Variants in TAF4B observed in about 807,000 individuals in gnomAD.
TAF4B encodes the protein transcription initiation factor TFIID subunit 4B.
A neutral mutation model predicts 86.4 loss-of-function variants in TAF4B; 38 were observed. The ratio of observed to expected loss-of-function variants is 0.44; its 90% CI spans 0.34 to 0.58. The LOEUF is 0.58. TAF4B is among the 20% of genes least tolerant of loss of function. TAF4B has a pLI of 0.02. For synonymous variants in TAF4B, 388 were observed against 391.2 expected (o/e 0.99, Z 0.10); for missense variants, 988 against 1,027.6 (o/e 0.96, Z 0.53).
At chr18:26,230,531 C>A (rs1422240615) in intron 1 of TAF4B, among the ~76,000 whole-genome samples, 1 of 152,162 alleles carries the variant, frequency 6.6e-6, no homozygotes, top group African/African-American at 2.4e-5. Flanking sequence ...GATTTTCAGA[C>A]TGTAGAGTTG....
intron 11 of TAF4B, among the ~76,000 whole-genome samples, chr18:26,325,045 A>G (rs1278636964): frequency 6.6e-6 from 1 of 152,206 alleles, no homozygotes; most frequent in Non-Finnish European, 1.5e-5. Context: ...ACTCTTGAAC[A>G]TCCATTTACT....
intron 5 of TAF4B, among the ~76,000 whole-genome samples, chr18:26,278,607 C>T (rs2056410665): frequency 7.8e-6 from 1 of 128,670 alleles, no homozygotes. Context: ...CTGTGCTTGG[C>T]CTTCTGTTGT....
chr18:26,280,013 C>T (rs2056428283), intron 5 of TAF4B, among the ~76,000 whole-genome samples: 1 of 149,184 alleles, frequency 6.7e-6, no homozygotes, highest in South Asian at 2.1e-4. Flanking sequence ...CACTGCACTA[C>T]AGCCTAGGTG....
At position 26,357,753 on chromosome 18, in the gene TAF4B, A is replaced by G. The variant is rs373672419; in HGVS notation, c.2380A>G (p.Ile794Val). The G allele has an allele frequency of 3.1e-6, 5 of 1,613,036 alleles. No homozygotes were observed. The highest frequency in any genetic ancestry group is 1.3e-5 in the African/African-American group (1 of 74,898). The part of the protein sequence containing the change: ...RDANLTALAA[I>V]GPRKKRPLES... The stretch of plus-strand genomic sequence containing the variant: ...CGCTAATCTCACAGCTCTTGCAGCT[A>G]TTGGACCAAGGAAGAAGAGACCACT... Residue 794 changes from isoleucine (I) to valine (V), a missense_variant, in exon 14 of 15, where the codon ATT becomes GTT. Coordinates refer to ENST00000269142, the MANE Select transcript of TAF4B (RefSeq NM_005640.3).
rs200468593 is a variant in TAF4B at position 26,317,471 on chromosome 18, T to G, written c.2002+2073T>G. Among the ~76,000 whole-genome samples the G allele has an allele frequency of 3.3e-5, 5 of 152,194 alleles. No individual in the cohort carries two copies. In the East Asian group the frequency reaches 9.6e-4, roughly 29 times the overall value. On this transcript the variant is annotated intron_variant, in intron 10 of 14. Transcript: ENST00000269142. ...AAGGGCAGATAATATTTGCCACTTT[T>G]GTAGGTTATATGGTTTCTGTCACAA...
chr18:26,259,081 G>A (rs1046158963), intron 1 of TAF4B, among the ~76,000 whole-genome samples: 6 of 151,538 alleles, frequency 4.0e-5, no homozygotes, highest in African/African-American at 1.5e-4. Flanking sequence ...GGATCTCTTT[G>A]CGTTTAGCTT....
chr18:26,319,740 C>T (rs1285203773), intron 10 of TAF4B, among the ~76,000 whole-genome samples: 2 of 152,066 alleles, frequency 1.3e-5, no homozygotes, highest in South Asian at 2.1e-4. Context: ...CAGGCATGCA[C>T]CACCACGACC....
chr18:26,244,749 A>G (rs1041463438), intron 1 of TAF4B, among the ~76,000 whole-genome samples: 25 of 152,222 alleles, frequency 1.6e-4, no homozygotes, highest in African/African-American at 6.0e-4. Context: ...AAGAGAAACT[A>G]GAAGAGCAAC....
intron 14 of TAF4B, among the ~76,000 whole-genome samples, chr18:26,387,219 C>A (rs528202614): frequency 6.6e-6 from 1 of 152,130 alleles, no homozygotes; most frequent in African/African-American, 2.4e-5. Flanking sequence ...ACGCACACCA[C>A]CATGCCTGGC....
At chr18:26,229,425 C>T (rs970799958) in intron 1 of TAF4B, among the ~76,000 whole-genome samples, 1 of 151,608 alleles carries the variant, frequency 6.6e-6, no homozygotes, top group African/African-American at 2.4e-5. Flanking sequence ...AAAATGGAAA[C>T]ACTGATTAAA....
At chr18:26,232,374 G>T (rs1346089827) in intron 1 of TAF4B, among the ~76,000 whole-genome samples, 1 of 152,200 alleles carries the variant, frequency 6.6e-6, no homozygotes, top group African/African-American at 2.4e-5. Context: ...AAGGGCCAGT[G>T]GGTTGGTCCA....
chr18:26,265,375 ATGT>A (rs2056225273), intron 2 of TAF4B, 60 bp downstream of exon 2: 4 of 1,513,436 alleles, frequency 2.6e-6, no homozygotes, highest in African/African-American at 1.4e-5. Flanking sequence ...TTTCATATAA[ATGT>A]TGTGTATATG....
chr18:26,281,873 G>T (rs2144584027), intron 5 of TAF4B, 98 bp from the exon 6 acceptor site: 1 of 810,262 alleles, frequency 1.2e-6, no homozygotes, highest in East Asian at 2.6e-5. Context: ...TTTATCATTT[G>T]TGAAAAGTTT....
chr18:26,285,223 T>TTTTTG (rs1491271389), intron 6 of TAF4B, among the ~76,000 whole-genome samples: 3 of 78,280 alleles, frequency 3.8e-5, no homozygotes, highest in Non-Finnish European at 6.9e-5. Flanking sequence ...TTTTTTTTTG[T>TTTTTG]TTTTTTTTTT....
intron 2 of TAF4B, 70 bp from the exon 3 acceptor site, chr18:26,267,446 C>T: frequency 1.0e-6 from 1 of 970,382 alleles, no homozygotes; most frequent in Non-Finnish European, 1.7e-6. Context: ...TTCTAATGTT[C>T]ACTGCAGTAC....
At chr18:26,381,844 A>G (rs1401598848) in intron 14 of TAF4B, among the ~76,000 whole-genome samples, 3 of 152,114 alleles carry the variant, frequency 2.0e-5, no homozygotes, top group Non-Finnish European at 4.4e-5. Flanking sequence ...ACTGCTACAT[A>G]TGTTCTAACC....
chr18:26,301,770 C>T (rs1472777432), intron 9 of TAF4B, among the ~76,000 whole-genome samples: 2 of 152,024 alleles, frequency 1.3e-5, no homozygotes, highest in African/African-American at 2.4e-5. Context: ...GATCATGGTC[C>T]ATTCATCCCT....
chr18:26,320,201 A>G (rs1480502006), intron 10 of TAF4B, among the ~76,000 whole-genome samples: 4 of 152,256 alleles, frequency 2.6e-5, no homozygotes, highest in Non-Finnish European at 5.9e-5. Context: ...TCATGTGTAT[A>G]TGTTAAAAAC....
At chr18:26,302,422 G>T (rs1429581765) in intron 9 of TAF4B, among the ~76,000 whole-genome samples, 3 of 133,688 alleles carry the variant, frequency 2.2e-5, no homozygotes, top group African/African-American at 8.6e-5. Context: ...CTAGGCTGGA[G>T]TGCATTGAGT....
Sources: allele counts gnomAD v4.1 joint callset (sites outside exome capture counted in the v4.1 genomes callset), GRCh38; gene constraint gnomAD v4.1.1; transcripts MANE v1.5; gene names NCBI Gene and HGNC (gene_info 2026-07-23, HGNC 2026-07-21).